The following NEK7 variants were observed in gnomAD, a reference collection of about 807,000 sequenced individuals.
NEK7 encodes the protein serine/threonine-protein kinase Nek7.
Under a neutral mutation model 44.6 loss-of-function variants are expected in NEK7, and 18 were observed. That is an observed-to-expected ratio of 0.40 (90% CI 0.28 to 0.60). The LOEUF is 0.60. Among genes scored for constraint, NEK7 ranks in the 20% least tolerant of loss-of-function variants. The pLI, the probability that NEK7 is intolerant of heterozygous loss-of-function variation, is 0.38. For synonymous variants in NEK7, 130 were observed against 121.1 expected (o/e 1.07, Z -0.48); for missense variants, 256 against 366.5 (o/e 0.70, Z 2.46).
rs1028595794 is a variant in NEK7 at position 198,232,650 on chromosome 1, A to G, written c.57+13A>G. 4.0e-6 allele frequency: 6 copies of G among 1,507,884 alleles called. No homozygotes were observed. In the Admixed American group the frequency reaches 5.0e-5, roughly 13 times the overall value. 93.4% of individuals were successfully genotyped at this position (1,507,884 alleles called of 1,614,324 possible). ...GTTCCAACCACAGGTAATTTATCCT[A>G]ATTAAGATGGGCAGAACTATATATA... On this transcript the variant is annotated intron_variant, in intron 2 of 9. Coordinates refer to ENST00000367385, the MANE Select transcript of NEK7 (RefSeq NM_133494.3).
intron 5 of NEK7, among the ~76,000 whole-genome samples, chr1:198,270,962 G>A (rs1200585956): frequency 6.6e-6 from 1 of 151,928 alleles, no homozygotes; most frequent in Non-Finnish European, 1.5e-5. Context: ...GTTTTTGGGG[G>A]AATTCAGTTC....
At chr1:198,253,202 A>G (rs1185864723) in intron 3 of NEK7, 22 bp downstream of exon 3, 1 of 1,493,390 alleles carries the variant, frequency 6.7e-7, no homozygotes, top group Non-Finnish European at 9.2e-7. Flanking sequence ...TTAATTATAT[A>G]AATCAATGTA....
At chr1:198,217,221 A>G (rs1474183806) in intron 1 of NEK7, among the ~76,000 whole-genome samples, 1 of 152,116 alleles carries the variant, frequency 6.6e-6, no homozygotes, top group Non-Finnish European at 1.5e-5. Flanking sequence ...TAGCAAACCA[A>G]ACTCAACAGC....
intron 2 of NEK7, among the ~76,000 whole-genome samples, chr1:198,251,008 G>T (rs1235680994): frequency 6.6e-6 from 1 of 151,994 alleles, no homozygotes; most frequent in Non-Finnish European, 1.5e-5. Context: ...TATGATATTG[G>T]CTGTGGGTTT....
At chr1:198,316,178 G>A (rs1373954018) in intron 9 of NEK7, among the ~76,000 whole-genome samples, 1 of 152,180 alleles carries the variant, frequency 6.6e-6, no homozygotes, top group African/African-American at 2.4e-5. Context: ...ATTGGAAATG[G>A]TCTCAGTCAA....
At chr1:198,217,139 G>A (rs1242301319) in intron 1 of NEK7, among the ~76,000 whole-genome samples, 2 of 152,002 alleles carry the variant, frequency 1.3e-5, no homozygotes, top group Non-Finnish European at 2.9e-5. Context: ...AGCCAGGAAA[G>A]GACATAACTG....
rs1664430048 is a variant in NEK7 at position 198,171,218 on chromosome 1, TGTC to T, written c.-29+13943_-29+13945del. On this transcript the variant is annotated intron_variant, in intron 1 of 9. Coordinates refer to ENST00000367385, the MANE Select transcript of NEK7 (RefSeq NM_133494.3). ...TTTAAATAAATAGAACCCTCTGTAA[TGTC>T]TTCTTTCTTTTTTTCCCTTCAGATT... Among the ~76,000 whole-genome samples the T allele has an allele frequency of 2.6e-5, 4 of 152,212 alleles. No homozygotes were observed. The South Asian group carries it at 8.3e-4, about 32-fold the overall frequency.
chr1:198,285,651 C>T (rs890071618), intron 7 of NEK7, among the ~76,000 whole-genome samples: 8 of 151,956 alleles, frequency 5.3e-5, no homozygotes. Flanking sequence ...ATTCACATTT[C>T]ATTGGCCAAA....
Position 198,314,999 on chromosome 1 carries a change from C to A in NEK7, c.799-4413C>A, listed in dbSNP as rs371454988. On this transcript the variant is annotated intron_variant, in intron 9 of 9. Coordinates refer to ENST00000367385, the MANE Select transcript of NEK7 (RefSeq NM_133494.3). ...CCCGGCTGCTTTGTTTACCTAAGCA[C>A]GCCTGGGCAATGGCGGGCGCCCCTC... Among the ~76,000 whole-genome samples, 1,325 of 152,288 alleles carry A rather than the reference C, an allele frequency of 8.7e-3. 15 individuals are homozygous for A. The highest frequency in any genetic ancestry group is 0.031 in the South Asian group (149 of 4,830).
intron 9 of NEK7, among the ~76,000 whole-genome samples, chr1:198,303,680 T>A (rs1208158132): frequency 6.6e-6 from 1 of 152,140 alleles, no homozygotes; most frequent in African/African-American, 2.4e-5. Flanking sequence ...CACAGTTGTT[T>A]AAGTTGGCGT....
intron 2 of NEK7, 145 bp from the exon 3 acceptor site, chr1:198,252,895 A>C (rs973746008): frequency 4.7e-6 from 3 of 637,436 alleles, no homozygotes; most frequent in Non-Finnish European, 8.2e-6. Context: ...TGCCTGGCAT[A>C]AGTTCAGTAA....
intron 1 of NEK7, among the ~76,000 whole-genome samples, chr1:198,170,243 G>A (rs1284588796): frequency 6.6e-6 from 1 of 152,136 alleles, no homozygotes; most frequent in Non-Finnish European, 1.5e-5. Context: ...TAGGAATCAG[G>A]ACTAGGAAAA....
rs1163695405 is a variant in NEK7, at chr1:198,322,275, A to T, written c.*2753A>T. The T allele has an allele frequency of 2.0e-5, 3 of 152,184 alleles. No individual in the cohort carries two copies. The highest frequency in any genetic ancestry group is 7.2e-5 in the African/African-American group (3 of 41,446). 9.4% of individuals were successfully genotyped at this position (152,184 alleles called of 1,614,324 possible). A position where few individuals can be genotyped will look rare whatever the true frequency, so the allele number is the denominator to read the frequency against. ...ACCCTGTGCCTCATATTTCAATAGTACTGTAATATGGACATCTTTTGTGAA... is the reference window on the plus strand; with the variant it reads ...ACCCTGTGCCTCATATTTCAATAGTTCTGTAATATGGACATCTTTTGTGAA... On this transcript the variant is annotated 3_prime_UTR_variant, in exon 10 of 10. Transcript: ENST00000367385.
chr1:198,215,909 A>G (rs1665905334), intron 1 of NEK7, among the ~76,000 whole-genome samples: 1 of 152,114 alleles, frequency 6.6e-6, no homozygotes, highest in African/African-American at 2.4e-5. Flanking sequence ...CCAGATTCAT[A>G]AAGCAATACC....
intron 1 of NEK7, among the ~76,000 whole-genome samples, chr1:198,185,515 A>T (rs1158223532): frequency 6.6e-6 from 1 of 152,100 alleles, no homozygotes; most frequent in Non-Finnish European, 1.5e-5. Flanking sequence ...GACTTGTAGA[A>T]CTAGATATCT....
intron 1 of NEK7, among the ~76,000 whole-genome samples, chr1:198,200,503 A>C (rs1209254666): frequency 2.0e-5 from 3 of 150,616 alleles, no homozygotes; most frequent in South Asian, 4.2e-4. Context: ...CTGAATGATG[A>C]GGGTGTTTAC....
At chr1:198,304,291 A>G (rs776625370) in intron 9 of NEK7, among the ~76,000 whole-genome samples, 1 of 152,196 alleles carries the variant, frequency 6.6e-6, no homozygotes, top group Non-Finnish European at 1.5e-5. Flanking sequence ...ATATCTGTGT[A>G]AGATTACTTT....
chr1:198,312,159 A>C (rs1256583007), intron 9 of NEK7, among the ~76,000 whole-genome samples: 1 of 152,038 alleles, frequency 6.6e-6, no homozygotes, highest in Non-Finnish European at 1.5e-5. Context: ...TTCCTGGTTT[A>C]GTCTTGGGAG....
intron 1 of NEK7, among the ~76,000 whole-genome samples, chr1:198,200,186 T>A (rs191688411): frequency 6.6e-6 from 1 of 152,214 alleles, no homozygotes; most frequent in Non-Finnish European, 1.5e-5. Flanking sequence ...TTTATAGATT[T>A]CAGATTTCTG....
Sources: gnomAD v4.1 joint callset for allele counts (sites outside exome capture counted in the v4.1 genomes callset) on GRCh38, gnomAD v4.1.1 for gene constraint, MANE v1.5 for transcripts, NCBI Gene and HGNC (gene_info 2026-07-23, HGNC 2026-07-21) for gene names.